The following LBH variants were observed in gnomAD, a reference collection of about 807,000 sequenced individuals.
LBH encodes the protein protein LBH.
In LBH, 7 loss-of-function variants were observed where a neutral mutation model predicts 12.5. The observed-to-expected ratio is 0.56, with a 90% CI of 0.32 to 1.05. LBH has a LOEUF of 1.05. Ranked by LOEUF, LBH falls within the 50% of genes least tolerant of loss-of-function variation. The pLI, the probability that LBH is intolerant of heterozygous loss-of-function variation, is 0.04. For missense variants in LBH, 119 were observed against 138.9 expected (o/e 0.86, Z 0.72); for synonymous variants, 51 against 50.1 (o/e 1.02, Z -0.08).
chr2:30,252,535 G>A (rs573966947), intron 2 of LBH, among the ~76,000 whole-genome samples: 22 of 152,260 alleles, frequency 1.4e-4, no homozygotes, highest in Admixed American at 1.1e-3. Flanking sequence ...GGTGGCGGGC[G>A]CCTGTCGTCG....
intron 2 of LBH, among the ~76,000 whole-genome samples, chr2:30,248,089 C>T (rs1260590137): frequency 1.3e-5 from 2 of 152,188 alleles, no homozygotes; most frequent in Non-Finnish European, 2.9e-5. Context: ...GTAGCAGGTC[C>T]ATCAGCTCTC....
chr2:30,236,361 G>A (rs1424517905), intron 2 of LBH, among the ~76,000 whole-genome samples: 3 of 152,174 alleles, frequency 2.0e-5, no homozygotes, highest in Non-Finnish European at 4.4e-5. Context: ...TCACCTCTGG[G>A]TGCCTGACAC....
At chr2:30,255,238 TG>T (rs895405338) in intron 2 of LBH, among the ~76,000 whole-genome samples, 2 of 152,196 alleles carry the variant, frequency 1.3e-5, no homozygotes, top group African/African-American at 4.8e-5. Context: ...TCACAGCCCA[TG>T]GGGGGCTCTG....
In LBH at chr2:30,231,713, C is replaced by CGTGT; in HGVS notation, c.-23_-20dup. The CGTGT allele has an allele frequency of 2.5e-6, 4 of 1,587,962 alleles. No homozygotes were observed. The highest frequency in any genetic ancestry group is 3.4e-6 in the Non-Finnish European group (4 of 1,166,494). ...AGGGACCGTTTTTAAATCACAGGGG[C>CGTGT]GTGTGTCAGCCTGCCCTAGGACTTC... is the stretch of plus-strand genomic sequence containing the variant. On this transcript the variant is annotated 5_prime_UTR_variant, in exon 1 of 3. Transcript: ENST00000395323.
intron 2 of LBH, among the ~76,000 whole-genome samples, chr2:30,252,526 G>C (rs898651330): frequency 6.6e-6 from 1 of 152,194 alleles, no homozygotes; most frequent in Non-Finnish European, 1.5e-5. Flanking sequence ...GCCGGGCGTG[G>C]TGGCGGGCGC....
At chr2:30,242,249 C>CT (rs200609618) in intron 2 of LBH, among the ~76,000 whole-genome samples, 8,106 of 147,146 alleles carry the variant, frequency 0.055, 741 homozygotes, top group African/African-American at 0.19. Flanking sequence ...AGGTAATATT[C>CT]TTTTTTTTTT....
At chr2:30,244,388 C>T (rs1677840727) in intron 2 of LBH, among the ~76,000 whole-genome samples, 1 of 152,152 alleles carries the variant, frequency 6.6e-6, no homozygotes, top group Admixed American at 6.5e-5. Flanking sequence ...AGGACAGCTG[C>T]CTCTGGGGTT....
chr2:30,233,527 G>A (rs1161705037), intron 1 of LBH, among the ~76,000 whole-genome samples: 2 of 152,244 alleles, frequency 1.3e-5, no homozygotes, highest in Non-Finnish European at 2.9e-5. Context: ...GGAAAGCATT[G>A]GGTGCTGTGT....
At chr2:30,232,181 A>G (rs1677600188) in intron 1 of LBH, 1 of 1,345,202 alleles carries the variant, frequency 7.4e-7, no homozygotes, top group Non-Finnish European at 9.8e-7. Flanking sequence ...CTCAACGTCG[A>G]GGCCGGCAGC....
At chr2:30,239,462 G>T (rs1677748718) in intron 2 of LBH, among the ~76,000 whole-genome samples, 1 of 152,198 alleles carries the variant, frequency 6.6e-6, no homozygotes, top group Non-Finnish European at 1.5e-5. Context: ...TCAAGAGTTT[G>T]GGAGGCGCTG....
chr2:30,232,079 G>A, intron 1 of LBH: 1 of 1,524,058 alleles, frequency 6.6e-7, no homozygotes, highest in South Asian at 1.2e-5. Context: ...ACCCTATGCG[G>A]AGAGCTGCAG....
At chr2:30,253,515 A>C (rs1200422774) in intron 2 of LBH, among the ~76,000 whole-genome samples, 1 of 152,222 alleles carries the variant, frequency 6.6e-6, no homozygotes, top group African/African-American at 2.4e-5. Flanking sequence ...AAAAAAATTT[A>C]AACAGTGCTT....
intron 2 of LBH, among the ~76,000 whole-genome samples, chr2:30,245,774 A>C (rs1316287210): frequency 2.0e-5 from 3 of 152,172 alleles, no homozygotes; most frequent in Non-Finnish European, 4.4e-5. Flanking sequence ...AAGTCGAATA[A>C]TGACATGAAA....
chr2:30,247,710 C>A (rs1677899399), intron 2 of LBH, among the ~76,000 whole-genome samples: 1 of 152,200 alleles, frequency 6.6e-6, no homozygotes, highest in South Asian at 2.1e-4. Flanking sequence ...TTCACTGTGC[C>A]ACATACATAA....
intron 2 of LBH, among the ~76,000 whole-genome samples, chr2:30,251,520 G>A (rs941328182): frequency 1.3e-5 from 2 of 151,698 alleles, no homozygotes; most frequent in African/African-American, 4.8e-5. Context: ...CCATCACCAT[G>A]GCCAGGCATG....
intron 1 of LBH, chr2:30,232,540 G>T: frequency 6.5e-5 from 13 of 198,716 alleles, no homozygotes; most frequent in East Asian, 1.1e-4. Context: ...CCTGCTCTGG[G>T]TTAGAGGAGA....
chr2:30,250,440 C>T (rs1677958706), intron 2 of LBH, among the ~76,000 whole-genome samples: 1 of 151,968 alleles, frequency 6.6e-6, no homozygotes, highest in African/African-American at 2.4e-5. Flanking sequence ...CTATTAGCAT[C>T]TCTCGGCTCT....
intron 2 of LBH, among the ~76,000 whole-genome samples, chr2:30,240,348 A>G (rs1466837368): frequency 6.6e-6 from 1 of 152,144 alleles, no homozygotes; most frequent in Non-Finnish European, 1.5e-5. Context: ...TTGGGTGGCG[A>G]ATGTTGTGAC....
At chr2:30,233,512 A>G (rs1415821556) in intron 1 of LBH, among the ~76,000 whole-genome samples, 1 of 152,268 alleles carries the variant, frequency 6.6e-6, no homozygotes, top group Non-Finnish European at 1.5e-5. Flanking sequence ...CACAGGCACG[A>G]TGGTGGAAAG....
Sources: allele counts gnomAD v4.1 joint callset (sites outside exome capture counted in the v4.1 genomes callset), GRCh38; gene constraint gnomAD v4.1.1; transcripts MANE v1.5; gene names NCBI Gene and HGNC (gene_info 2026-07-23, HGNC 2026-07-21).